The following HIVEP2 variants were observed in gnomAD, a reference collection of about 807,000 sequenced individuals.
The protein encoded by HIVEP2 is HIVEP zinc finger 2.
A neutral mutation model predicts 180.7 loss-of-function variants in HIVEP2; 14 were observed. The ratio of observed to expected loss-of-function variants is 0.08; its 90% confidence interval spans 0.05 to 0.12. The LOEUF (loss-of-function observed/expected upper bound fraction) is 0.12, where lower values mean the gene tolerates loss of function less well. Among genes scored for constraint, HIVEP2 ranks in the 10% least tolerant of loss-of-function variants. The pLI is 1.00. For synonymous variants in HIVEP2, 1,184 were observed against 1,136.4 expected (o/e 1.04, Z -0.84); for missense variants, 2,579 against 3,008.5 (o/e 0.86, Z 3.34).
intron 2 of HIVEP2, among the ~76,000 whole-genome samples, chr6:142,820,277 T>G (rs556915939): frequency 7.3e-6 from 1 of 137,800 alleles, no homozygotes; most frequent in South Asian, 2.3e-4. Context: ...TCACCACTAC[T>G]TTACCAGGCT....
intron 1 of HIVEP2, among the ~76,000 whole-genome samples, chr6:142,859,320 G>A (rs1775907799): frequency 6.6e-6 from 1 of 152,062 alleles, no homozygotes; most frequent in South Asian, 2.1e-4. Flanking sequence ...ATTAAAAAAT[G>A]TGTGATGGCA....
At chr6:142,935,497 G>A (rs952686500) in intron 1 of HIVEP2, among the ~76,000 whole-genome samples, 1 of 152,106 alleles carries the variant, frequency 6.6e-6, no homozygotes, top group African/African-American at 2.4e-5. Flanking sequence ...TGCAGTGGAG[G>A]CCCAGATCGC....
At chr6:142,762,227 A>G (rs1336661510) in intron 7 of HIVEP2, among the ~76,000 whole-genome samples, 2 of 152,194 alleles carry the variant, frequency 1.3e-5, no homozygotes, top group African/African-American at 4.8e-5. Flanking sequence ...AAAATTCTGG[A>G]GCAGCAACAT....
At position 142,921,686 on chromosome 6, in the gene HIVEP2, A is replaced by C. The variant is rs144516143; in HGVS notation, c.-641+23413T>G. On this transcript the variant is annotated intron_variant, in intron 1 of 9. Transcript: ENST00000367603. The stretch of plus-strand genomic sequence containing the variant: ...TTGCCCTATCCCTACTGAGGATTAC[A>C]ATCTAAGTCAGGCCATGTATTAATC... Among the ~76,000 whole-genome samples the C allele has an allele frequency of 1.4e-4, 21 of 152,350 alleles. No individual in the cohort carries two copies. The East Asian group carries it at 3.9e-3, about 28-fold the overall frequency.
At chr6:142,811,749 C>A (rs1254040422) in intron 2 of HIVEP2, among the ~76,000 whole-genome samples, 3 of 152,186 alleles carry the variant, frequency 2.0e-5, no homozygotes, top group Non-Finnish European at 4.4e-5. Flanking sequence ...TAAGTTAAAT[C>A]CTTTATGTAG....
At position 142,943,384 on chromosome 6, in the gene HIVEP2, A is replaced by G. The variant is rs1365689637; in HGVS notation, c.-641+1715T>C. Among the ~76,000 whole-genome samples, 1 of 152,230 alleles carries G rather than the reference A, an allele frequency of 6.6e-6. No homozygotes were observed. Among genetic ancestry groups the G allele is most frequent in the African/African-American group, 2.4e-5 (1 of 41,464 alleles). On this transcript the variant is annotated intron_variant, in intron 1 of 9. Transcript: ENST00000367603. The surrounding 1 kb of genome is among the most constrained non-coding windows in gnomAD (Gnocchi z 4.5). ...AGGGCAAATATCACCAAATATTACT[A>G]TATCACTGGAGGAAACGTTTCTAAT... is the stretch of plus-strand genomic sequence containing the variant.
intron 1 of HIVEP2, among the ~76,000 whole-genome samples, chr6:142,860,106 T>G (rs1775935980): frequency 1.3e-5 from 2 of 152,148 alleles, no homozygotes; most frequent in East Asian, 1.9e-4. Flanking sequence ...CCCTCGGACC[T>G]CCAACATTTT....
chr6:142,813,101 T>C (rs1776740466), intron 2 of HIVEP2, among the ~76,000 whole-genome samples: 1 of 152,166 alleles, frequency 6.6e-6, no homozygotes, highest in Non-Finnish European at 1.5e-5. Context: ...GACTTTATAA[T>C]ATTTAATATA....
intron 1 of HIVEP2, among the ~76,000 whole-genome samples, chr6:142,926,464 C>A (rs1582971305): frequency 1.3e-5 from 2 of 152,268 alleles, no homozygotes; most frequent in East Asian, 3.9e-4. Context: ...AAAAAGGTGG[C>A]AGTTAGAGGG....
At chr6:142,790,489 T>A (rs1435507252) in intron 2 of HIVEP2, among the ~76,000 whole-genome samples, 1 of 152,228 alleles carries the variant, frequency 6.6e-6, no homozygotes, top group Non-Finnish European at 1.5e-5. Flanking sequence ...AAAAGGTGTA[T>A]TTGACTACCA....
intron 2 of HIVEP2, among the ~76,000 whole-genome samples, chr6:142,795,961 T>A (rs949372170): frequency 6.6e-6 from 1 of 152,072 alleles, no homozygotes; most frequent in African/African-American, 2.4e-5. Flanking sequence ...TCCTCATACA[T>A]AAGAAGGGGA....
intron 2 of HIVEP2, among the ~76,000 whole-genome samples, chr6:142,785,047 C>T (rs1203779865): frequency 6.6e-6 from 1 of 151,768 alleles, no homozygotes; most frequent in Non-Finnish European, 1.5e-5. Flanking sequence ...ACCACCACGC[C>T]CAGCTAATTT....
intron 7 of HIVEP2, among the ~76,000 whole-genome samples, chr6:142,762,338 A>G (rs1481165550): frequency 2.6e-5 from 4 of 152,146 alleles, no homozygotes; most frequent in Non-Finnish European, 1.5e-5. Flanking sequence ...TTATATGTGT[A>G]TATACATGTG....
In HIVEP2 at chr6:142,774,605, T is replaced by C; in HGVS notation, c.134A>G (p.Gln45Arg). 6.2e-7 allele frequency: 1 copy of C among 1,614,214 alleles called. No individual in the cohort carries two copies. The highest frequency in any genetic ancestry group is 1.6e-4 in the Middle Eastern group (1 of 6,062). The change falls in exon 5 of 10, where the codon CAG becomes CGG. Residue 45 changes from glutamine (Q) to arginine (R), a missense_variant. Coordinates refer to ENST00000367603, the MANE Select transcript of HIVEP2 (RefSeq NM_006734.4). The surrounding 1 kb of genome is among the most constrained non-coding windows in gnomAD (Gnocchi z 5.1). Reference sequence around the variant, plus strand: ...CTCAGGCTCTATTTGTGGTTGCCGCTGTCCTTCATGACTGCCAAAAGTGCT... The same window carrying C: ...CTCAGGCTCTATTTGTGGTTGCCGCCGTCCTTCATGACTGCCAAAAGTGCT... ...KMSTFGSHEG[Q>R]RQPQIEPEQI... is the part of the protein sequence containing the mutation.
chr6:142,895,911 T>C (rs1326376789), intron 1 of HIVEP2, among the ~76,000 whole-genome samples: 1 of 152,132 alleles, frequency 6.6e-6, no homozygotes, highest in East Asian at 1.9e-4. Flanking sequence ...ACCTGACCAT[T>C]TGCATCCCTC....
chr6:142,800,413 A>G (rs1776375176), intron 2 of HIVEP2, among the ~76,000 whole-genome samples: 1 of 152,156 alleles, frequency 6.6e-6, no homozygotes, highest in African/African-American at 2.4e-5. Flanking sequence ...TCTATGAAAC[A>G]ATGGGTTCCT....
At chr6:142,927,073 C>A (rs1451929886) in intron 1 of HIVEP2, among the ~76,000 whole-genome samples, 1 of 151,622 alleles carries the variant, frequency 6.6e-6, no homozygotes, top group African/African-American at 2.4e-5. Context: ...GCGCCTCCGT[C>A]CCCGGCCGGC....
chr6:142,926,266 ACT>A (rs1164987111), intron 1 of HIVEP2, among the ~76,000 whole-genome samples: 1 of 152,224 alleles, frequency 6.6e-6, no homozygotes, highest in Non-Finnish European at 1.5e-5. Flanking sequence ...GGGCTTTGAC[ACT>A]GTCTTCAAAT....
intron 1 of HIVEP2, among the ~76,000 whole-genome samples, chr6:142,905,364 G>A (rs76182846): frequency 6.6e-6 from 1 of 152,008 alleles, no homozygotes; most frequent in South Asian, 2.1e-4. Flanking sequence ...AACCAACAAG[G>A]CATGATTTAG....
Sources: allele counts gnomAD v4.1 joint callset (sites outside exome capture counted in the v4.1 genomes callset), GRCh38; gene constraint gnomAD v4.1.1; non-coding constraint Gnocchi (gnomAD v3.1); transcripts MANE v1.5; gene names NCBI Gene and HGNC (gene_info 2026-07-23, HGNC 2026-07-21).